ZNF90: variants seen among roughly 807,000 people sequenced by gnomAD.
ZNF90 encodes the protein zinc finger protein HTF9.
Under a neutral mutation model 12.0 loss-of-function variants are expected in ZNF90, and 11 were observed. That is an observed-to-expected ratio of 0.92 (90% CI 0.58 to 1.52). The LOEUF (loss-of-function observed/expected upper bound fraction) is 1.52. Ranked by LOEUF, ZNF90 falls within the 40% of genes most tolerant of loss-of-function variation. The pLI, the probability that ZNF90 is intolerant of heterozygous loss-of-function variation, is 0.00. For missense variants in ZNF90, 765 were observed against 711.5 expected, an observed-to-expected ratio of 1.08 and a Z score of -0.86; for synonymous variants, 232 against 240.1, an observed-to-expected ratio of 0.97 and a Z score of 0.31.
In ZNF90 at chr19:20,094,765, T is replaced by TTGGAATTCCTGTGTAGGAC. The variant is rs538258807; in HGVS notation, c.4-9474_4-9473insTGGAATTCCTGTGTAGGAC. 4.6e-3 allele frequency among the ~76,000 whole-genome samples: 701 copies of TTGGAATTCCTGTGTAGGAC among 152,264 alleles called. 5 individuals are homozygous for TTGGAATTCCTGTGTAGGAC. Among genetic ancestry groups the TTGGAATTCCTGTGTAGGAC allele is most frequent in the Non-Finnish European group, 7.4e-3 (503 of 68,020 alleles). ...TCCAGGTTAAGTTGTAGGACAGAGT[T>TTGGAATTCCTGTGTAGGAC]AGACATTGGAATTCCTGTGTATATT... is the stretch of plus-strand genomic sequence containing the variant. On this transcript the variant is annotated intron_variant, in intron 1 of 3. Transcript: ENST00000418063.
At chr19:20,094,314 G>A (rs2088925447) in intron 1 of ZNF90, among the ~76,000 whole-genome samples, 1 of 152,174 alleles carries the variant, frequency 6.6e-6, no homozygotes. Flanking sequence ...TCTAATTTTT[G>A]AAGTTTTTTT....
chr19:20,102,099 A>C (rs1165488205), intron 1 of ZNF90, among the ~76,000 whole-genome samples: 1 of 152,148 alleles, frequency 6.6e-6, no homozygotes, highest in Admixed American at 6.5e-5. Flanking sequence ...CTTCCTTTAA[A>C]ATTGAAGAGG....
intron 1 of ZNF90, among the ~76,000 whole-genome samples, chr19:20,086,232 CTTTTTT>C (rs59433953): frequency 1.2e-4 from 12 of 99,808 alleles, no homozygotes; most frequent in African/African-American, 3.5e-4. Flanking sequence ...ATTTTCTTTT[CTTTTTT>C]TTTTTTTTTT....
At chr19:20,091,635 C>T (rs948962446) in intron 1 of ZNF90, among the ~76,000 whole-genome samples, 4 of 152,130 alleles carry the variant, frequency 2.6e-5, no homozygotes, top group Non-Finnish European at 5.9e-5. Flanking sequence ...GGATCTGATG[C>T]CTTTTGATGC....
At chr19:20,110,181 G>C (rs781863825) in intron 3 of ZNF90, among the ~76,000 whole-genome samples, 4 of 152,010 alleles carry the variant, frequency 2.6e-5, no homozygotes, top group Non-Finnish European at 5.9e-5. Context: ...TTTATAAATC[G>C]GGAGACATCT....
chr19:20,110,337 G>A (rs979832111), intron 3 of ZNF90, among the ~76,000 whole-genome samples: 3 of 151,998 alleles, frequency 2.0e-5, no homozygotes, highest in Admixed American at 1.3e-4. Context: ...GGAGTGCAGT[G>A]GTGTGATCTT....
At position 20,118,216 on chromosome 19, in the gene ZNF90, G is replaced by T. The variant is rs370810295; in HGVS notation, c.662G>T (p.Arg221Ile). ...TCCTCACACCTTACTTCACATAAGA[G>T]AATTCATACTGGAGAGAAACGGTAC... ...NRSSHLTSHK[R>I]IHTGEKRYKC... The change falls in exon 4 of 4, where the codon AGA becomes ATA. Residue 221 changes from arginine to isoleucine, a missense_variant. By Grantham distance (97) the Arg-to-Ile change is moderately conservative. Transcript: ENST00000418063. The T allele has an allele frequency of 2.4e-4, 390 of 1,607,136 alleles. 4 individuals are homozygous for T. The Middle Eastern group carries it at 3.0e-3, about 12-fold the overall frequency.
intron 2 of ZNF90, among the ~76,000 whole-genome samples, chr19:20,104,897 G>A (rs1417021062): frequency 2.6e-5 from 4 of 152,152 alleles, no homozygotes; most frequent in African/African-American, 9.7e-5. Flanking sequence ...TGAAGGCTGA[G>A]GCAGGAGAAT....
At chr19:20,080,699 A>G (rs2088813897) in intron 1 of ZNF90, among the ~76,000 whole-genome samples, 1 of 152,234 alleles carries the variant, frequency 6.6e-6, no homozygotes, top group Non-Finnish European at 1.5e-5. Context: ...GGGTGTCCCC[A>G]ATTTTCAAAC....
intron 3 of ZNF90, among the ~76,000 whole-genome samples, chr19:20,117,359 G>A (rs1002826343): frequency 1.1e-4 from 16 of 150,256 alleles, no homozygotes; most frequent in Non-Finnish European, 1.8e-4. Flanking sequence ...TCTTTGTTTC[G>A]TTTCTTTTCT....
intron 2 of ZNF90, 21 bp downstream of exon 2, chr19:20,104,386 T>C: frequency 6.2e-7 from 1 of 1,601,538 alleles, no homozygotes; most frequent in Non-Finnish European, 8.5e-7. Flanking sequence ...GTGGAATACA[T>C]AATTCATAAT....
chr19:20,104,364 T>C lies in ZNF90; in HGVS notation c.129T>C (p.Leu43=). The change falls in exon 2 of 4, where the codon CTT becomes CTC. Residue 43 remains leucine (L), a splice_region_variant and synonymous_variant. Transcript: ENST00000418063. ...AGAACTACAGACACCTGGTCTTCCT[T>C]GGTGAGGATAAGTGGAATACATAAT... ...MLENYRHLVF[L]GIVVTKPDLI... is the part of the protein sequence containing the mutation. 1 of 1,612,570 alleles carries C rather than the reference T, an allele frequency of 6.2e-7. No individual in the cohort carries two copies. The highest frequency in any genetic ancestry group is 8.5e-7 in the Non-Finnish European group (1 of 1,179,406).
intron 3 of ZNF90, among the ~76,000 whole-genome samples, chr19:20,111,053 G>A (rs1420824272): frequency 6.6e-6 from 1 of 151,984 alleles, no homozygotes; most frequent in Non-Finnish European, 1.5e-5. Context: ...TTCATTTATT[G>A]CTCATGCATT....
chr19:20,117,397 C>CTCCTTCCT (rs1197197056), intron 3 of ZNF90, among the ~76,000 whole-genome samples: 3 of 91,400 alleles, frequency 3.3e-5, no homozygotes, highest in African/African-American at 2.1e-4. Flanking sequence ...CTTTTCTTTT[C>CTCCTTCCT]TCCTTCCTTC....
At chr19:20,088,317 G>T (rs2088876435) in intron 1 of ZNF90, among the ~76,000 whole-genome samples, 1 of 152,096 alleles carries the variant, frequency 6.6e-6, no homozygotes. Context: ...GGGAGGTCTT[G>T]TGGTAAGGGG....
chr19:20,115,804 T>C (rs1176093349), intron 3 of ZNF90, among the ~76,000 whole-genome samples: 3 of 152,292 alleles, frequency 2.0e-5, no homozygotes, highest in African/African-American at 7.2e-5. Flanking sequence ...TTTCTTGTTA[T>C]CCTCATTTTC....
At chr19:20,104,023 A>G (rs2089010233) in intron 1 of ZNF90, among the ~76,000 whole-genome samples, 1 of 152,226 alleles carries the variant, frequency 6.6e-6, no homozygotes, top group Non-Finnish European at 1.5e-5. Context: ...AAAATATCAT[A>G]TATGAACTGA....
chr19:20,079,767 T>A lies in ZNF90; in HGVS notation c.3+1632T>A, dbSNP rs540154050. On this transcript the variant is annotated intron_variant, in intron 1 of 3. Transcript: ENST00000418063. The stretch of plus-strand genomic sequence containing the variant: ...CATATAAGCTTAAGAAAAGTTTCAT[T>A]GAGAAATATTTTGTTTTAGGCCAGG... The A allele has an allele frequency of 1.0e-3, 220 of 216,982 alleles. 1 individual carries two copies. The highest frequency in any genetic ancestry group is 4.8e-3 in the African/African-American group (205 of 43,058). 13.4% of individuals were successfully genotyped at this position (216,982 alleles called of 1,614,324 possible).
intron 3 of ZNF90, among the ~76,000 whole-genome samples, chr19:20,111,234 G>A (rs1434902765): frequency 6.6e-6 from 1 of 151,958 alleles, no homozygotes; most frequent in African/African-American, 2.4e-5. Context: ...CACTGTGCCT[G>A]GCCTCCTTTA....
Sources: allele counts gnomAD v4.1 joint callset (sites outside exome capture counted in the v4.1 genomes callset), GRCh38; gene constraint gnomAD v4.1.1; transcripts MANE v1.5; gene names NCBI Gene and HGNC (gene_info 2026-07-23, HGNC 2026-07-21).